The following CCT3 variants were observed in gnomAD, a reference collection of about 807,000 sequenced individuals.
The protein encoded by CCT3 is T-complex protein 1 subunit gamma.
CCT3 carries 10 observed loss-of-function variants against 65.3 expected under a neutral mutation model. The observed-to-expected ratio is 0.15, with a 90% CI of 0.09 to 0.26. CCT3 has a LOEUF of 0.26. CCT3 is among the 10% of genes least tolerant of loss of function. CCT3 has a pLI of 1.00. For missense variants in CCT3, 626 were observed against 708.7 expected (o/e 0.88, Z 1.33); for synonymous variants, 225 against 242.3 (o/e 0.93, Z 0.66).
intron 4 of CCT3, among the ~76,000 whole-genome samples, chr1:156,334,260 T>C (rs1373488412): frequency 1.3e-5 from 2 of 148,690 alleles, no homozygotes. Flanking sequence ...AAAAAAAAGA[T>C]ATGTTGAAGT....
At chr1:156,336,081 T>C (rs976773193) in intron 1 of CCT3, 193 bp from the exon 2 acceptor site, 24 of 482,814 alleles carry the variant, frequency 5.0e-5, no homozygotes, top group Non-Finnish European at 7.7e-5. Context: ...TGTAAACATA[T>C]GTCCTTATGG....
rs1664113586 is a variant in CCT3, at chr1:156,312,241, G to C, written c.975-20C>G. 1 of 1,608,414 alleles carries C rather than the reference G, an allele frequency of 6.2e-7. No individual in the cohort carries two copies. The highest frequency in any genetic ancestry group is 1.7e-5 in the Admixed American group (1 of 59,224). ...CAGGCTCTAATGGACGGAAGAGGTG[G>C]GGAGAATCAGATGATTTCAGATACT... is the stretch of plus-strand genomic sequence containing the variant. On this transcript the variant is annotated intron_variant, in intron 10 of 13. Transcript: ENST00000295688.
At position 156,338,268 on chromosome 1, in the gene CCT3, A is replaced by T. The variant is rs956140775; in HGVS notation, c.-84T>A. 2.1e-6 allele frequency: 3 copies of T among 1,422,200 alleles called. No homozygotes were observed. The highest frequency in any genetic ancestry group is 2.9e-6 in the Non-Finnish European group (3 of 1,030,130). 88.1% of individuals were successfully genotyped at this position (1,422,200 alleles called of 1,614,324 possible). A position where few individuals can be genotyped will look rare whatever the true frequency, so the allele number is the denominator to read the frequency against. On this transcript the variant is annotated 5_prime_UTR_variant, in exon 1 of 14. Transcript: ENST00000295688. ...GAGAGAGAACCAGACAGAAGCCCAG[A>T]AAACGCTGCCTCCTCAGGGCTTACA...
At chr1:156,313,125 C>T (rs1468238416) in intron 10 of CCT3, among the ~76,000 whole-genome samples, 1 of 152,004 alleles carries the variant, frequency 6.6e-6, no homozygotes, top group East Asian at 1.9e-4. Flanking sequence ...GGGTGGATGA[C>T]TTGAGGTCAG....
chr1:156,322,084 A>G (rs903898704), intron 6 of CCT3, among the ~76,000 whole-genome samples: 2 of 152,276 alleles, frequency 1.3e-5, no homozygotes, highest in African/African-American at 4.8e-5. Flanking sequence ...CCTCATCTCT[A>G]TGAAAAATTT....
Position 156,318,899 on chromosome 1 carries a change from G to A in CCT3, c.728C>T (p.Ser243Phe), listed in dbSNP as rs539612465. 6.2e-7 allele frequency: 1 copy of A among 1,614,034 alleles called. No individual in the cohort carries two copies. Residue 243 changes from serine (S) to phenylalanine (F), a missense_variant, in exon 8 of 14, where the codon TCT becomes TTT. Coordinates refer to ENST00000295688, the MANE Select transcript of CCT3 (RefSeq NM_005998.5). ...TTCTCCTTTCTTGTATTCCAGAGAA[G>A]AATCCAGCAGCACAATGCGAGGGTT... ...IKNPRIVLLDSSLEYKKGESQ... is the reference protein window; with the variant it reads ...IKNPRIVLLDFSLEYKKGESQ...
At chr1:156,329,369 G>C (rs1031336488) in intron 5 of CCT3, among the ~76,000 whole-genome samples, 3 of 144,266 alleles carry the variant, frequency 2.1e-5, no homozygotes, top group African/African-American at 5.1e-5. Context: ...GCAGTGGTGT[G>C]ATCTGGGCTC....
At chr1:156,310,926 A>G in intron 12 of CCT3, 24 bp downstream of exon 12, 3 of 1,607,130 alleles carry the variant, frequency 1.9e-6, no homozygotes, top group Non-Finnish European at 2.6e-6. Context: ...CTCCATCAAG[A>G]GAAAAGCTTG....
chr1:156,317,792 T>C (rs1040820427), intron 8 of CCT3, among the ~76,000 whole-genome samples: 2 of 151,560 alleles, frequency 1.3e-5, no homozygotes, highest in African/African-American at 4.8e-5. Flanking sequence ...CACTGCAAGC[T>C]CTGCCTCCTG....
Position 156,310,973 on chromosome 1 carries a change from T to C in CCT3, c.1378A>G (p.Ile460Val), listed in dbSNP as rs1664062418. 6.2e-7 allele frequency: 1 copy of C among 1,614,064 alleles called. No individual in the cohort carries two copies. The highest frequency in any genetic ancestry group is 8.5e-7 in the Non-Finnish European group (1 of 1,180,004). The part of the protein sequence containing the change: ...TLIQNCGAST[I>V]RLLTSLRAKH... The stretch of plus-strand genomic sequence containing the variant: ...ACCCGAAGGGAGGTAAGTAGACGGA[T>C]GGTGCTGGCCCCACAGTTCTGGATC... Residue 460 changes from isoleucine to valine, a missense_variant, in exon 12 of 14, where the codon ATC (isoleucine) becomes GTC (valine). Ile to Val is a conservative substitution (Grantham distance 29). Coordinates refer to ENST00000295688, the MANE Select transcript of CCT3 (RefSeq NM_005998.5).
At chr1:156,310,876 G>A in intron 12 of CCT3, 74 bp downstream of exon 12, 3 of 1,542,638 alleles carry the variant, frequency 1.9e-6, no homozygotes, top group Non-Finnish European at 2.6e-6. Context: ...TGGATAGCCA[G>A]ATAAGAATCT....
At chr1:156,337,805 A>G in intron 1 of CCT3, 1 of 359,786 alleles carries the variant, frequency 2.8e-6, no homozygotes, top group Non-Finnish European at 5.1e-6. Flanking sequence ...AAAAAAACAA[A>G]AAAAAACGTT....
chr1:156,337,989 G>A (rs1665518688), intron 1 of CCT3, among the ~76,000 whole-genome samples, 165 bp downstream of exon 1: 1 of 152,196 alleles, frequency 6.6e-6, no homozygotes. Flanking sequence ...GAAGCGAACA[G>A]GTTAAGAGAA....
chr1:156,334,966 T>C, intron 2 of CCT3, 48 bp from the exon 3 acceptor site: 1 of 1,554,810 alleles, frequency 6.4e-7, no homozygotes, highest in Non-Finnish European at 8.9e-7. Context: ...CAGAGGACAG[T>C]GTGAGAAATG....
chr1:156,321,914 T>C (rs570984300), intron 6 of CCT3, among the ~76,000 whole-genome samples: 2 of 152,190 alleles, frequency 1.3e-5, no homozygotes, highest in East Asian at 3.9e-4. Context: ...TATTAAATGG[T>C]TGAATTATGG....
Position 156,338,284 on chromosome 1 carries a change from A to C in CCT3, c.-100T>G. 8.4e-7 allele frequency: 1 copy of C among 1,191,458 alleles called. No individual in the cohort carries two copies. Among genetic ancestry groups the C allele is most frequent in the Non-Finnish European group, 1.2e-6 (1 of 823,082 alleles). The allele number at this position is 1,191,458 out of a possible 1,614,324, so 73.8% of individuals were successfully genotyped here. On this transcript the variant is annotated 5_prime_UTR_variant, in exon 1 of 14. Coordinates refer to ENST00000295688, the MANE Select transcript of CCT3 (RefSeq NM_005998.5). ...GAAGCCCAGAAAACGCTGCCTCCTC[A>C]GGGCTTACACCTCAACCCGCTACTC...
intron 6 of CCT3, 101 bp downstream of exon 6, chr1:156,324,871 C>T (rs1157173848): frequency 2.7e-6 from 2 of 730,644 alleles, no homozygotes; most frequent in Admixed American, 2.0e-5. Flanking sequence ...TCAAGATCCA[C>T]CCGCCTAGGC....
chr1:156,329,472 A>AT, intron 5 of CCT3, among the ~76,000 whole-genome samples: 1 of 151,610 alleles, frequency 6.6e-6, no homozygotes, highest in Middle Eastern at 3.2e-3. Context: ...TGCCCAGCTC[A>AT]TTTTTTGTAT....
chr1:156,324,303 G>A (rs923391890), intron 6 of CCT3, among the ~76,000 whole-genome samples: 9 of 151,094 alleles, frequency 6.0e-5, no homozygotes, highest in African/African-American at 2.2e-4. Flanking sequence ...TCCTGACCTC[G>A]TGATCCACCC....
Sources: gnomAD v4.1 joint callset for allele counts (sites outside exome capture counted in the v4.1 genomes callset) on GRCh38, gnomAD v4.1.1 for gene constraint, MANE v1.5 for transcripts, NCBI Gene and HGNC (gene_info 2026-07-23, HGNC 2026-07-21) for gene names.